Variants in FRMD6 observed in about 807,000 individuals in gnomAD.
FRMD6 encodes FERM domain containing 6.
FRMD6 carries 37 observed loss-of-function variants against 73.2 expected under a neutral mutation model. That is an observed-to-expected ratio of 0.51 (90% CI 0.39 to 0.66). The LOEUF (loss-of-function observed/expected upper bound fraction) is 0.66. Among genes scored for constraint, FRMD6 ranks in the 30% least tolerant of loss-of-function variants. The probability of loss-of-function intolerance (pLI) is 0.00; values close to 1 mark genes in which losing one functional copy is unlikely to be tolerated. For synonymous variants in FRMD6, 273 were observed against 282.2 expected (o/e 0.97, Z 0.33); for missense variants, 714 against 780.5 (o/e 0.91, Z 1.02).
At chr14:51,544,497 T>C (rs1247937217) in intron 1 of FRMD6, among the ~76,000 whole-genome samples, 1 of 152,094 alleles carries the variant, frequency 6.6e-6, no homozygotes, top group Non-Finnish European at 1.5e-5. Flanking sequence ...TACTCATAGT[T>C]TGAAAACAAT....
chr14:51,710,045 G>A (rs76178684), intron 7 of FRMD6, among the ~76,000 whole-genome samples: 4,187 of 152,214 alleles, frequency 0.028, 195 homozygotes, highest in African/African-American at 0.095. Context: ...TGCTGGGGAA[G>A]CTTGCTATTT....
intron 10 of FRMD6, among the ~76,000 whole-genome samples, chr14:51,719,382 C>T (rs1897409844): frequency 6.6e-6 from 1 of 152,226 alleles, no homozygotes; most frequent in Non-Finnish European, 1.5e-5. Flanking sequence ...GATAAAGCCT[C>T]ACTAATTCAG....
chr14:51,524,816 T>C (rs1048474501), intron 1 of FRMD6, among the ~76,000 whole-genome samples: 1 of 152,154 alleles, frequency 6.6e-6, no homozygotes, highest in Non-Finnish European at 1.5e-5. Flanking sequence ...AACTCAGTGA[T>C]TGATGCAAGA....
At chr14:51,452,016 C>A in the FRMD6 span, among the ~76,000 whole-genome samples, 1 of 152,124 alleles carries the variant, frequency 6.6e-6, no homozygotes, top group Non-Finnish European at 1.5e-5. Context: ...ATGCTTTAAG[C>A]AGGGCAGAGA....
chr14:51,711,598 T>C lies in FRMD6; in HGVS notation c.780+2T>C. ...ATGAGGGGAATACAGATTTTTCAGG[T>C]TGGTAAATGAGAATTGTGTCAAATG... On this transcript the variant is annotated splice_donor_variant, in intron 8 of 13. Transcript: ENST00000344768. LOFTEE classifies it high-confidence loss of function. 1.3e-6 allele frequency: 2 copies of C among 1,599,424 alleles called. No individual in the cohort carries two copies. Among genetic ancestry groups the C allele is most frequent in the Non-Finnish European group, 1.7e-6 (2 of 1,167,486 alleles).
the FRMD6 span, among the ~76,000 whole-genome samples, chr14:51,448,187 T>G: frequency 6.6e-6 from 1 of 152,260 alleles, no homozygotes; most frequent in Non-Finnish European, 1.5e-5. Flanking sequence ...TCTTTGAATA[T>G]TATTTCTTGA....
At chr14:51,433,359 T>TA in the FRMD6 span, among the ~76,000 whole-genome samples, 70 of 152,058 alleles carry the variant, frequency 4.6e-4, no homozygotes, top group East Asian at 7.9e-3. Flanking sequence ...TATATATCTG[T>TA]AAAAAAAATG....
intron 2 of FRMD6, among the ~76,000 whole-genome samples, chr14:51,695,360 G>A (rs758080473): frequency 3.9e-5 from 6 of 152,146 alleles, no homozygotes; most frequent in Non-Finnish European, 7.3e-5. Context: ...AAATCCAGAG[G>A]CCTTTTAAAG....
intron 2 of FRMD6, among the ~76,000 whole-genome samples, chr14:51,601,562 C>T (rs908129442): frequency 3.3e-5 from 5 of 152,138 alleles, no homozygotes; most frequent in African/African-American, 1.2e-4. Context: ...TGGAGCTTTA[C>T]AAATCTCTAG....
At chr14:51,649,902 G>C (rs1362055145), upstream of FRMD6, 1 of 152,154 alleles carries the variant, frequency 6.6e-6, no homozygotes, top group Non-Finnish European at 1.5e-5. Context: ...GGGGCTACAG[G>C]CATGGGCCAC....
At chr14:51,486,946 T>TG (rs1009825055), upstream of FRMD6, among the ~76,000 whole-genome samples, 7 of 152,210 alleles carry the variant, frequency 4.6e-5, no homozygotes, top group South Asian at 2.1e-4. Flanking sequence ...GTTTTTTTTT[T>TG]TTTGTTTTTG....
the FRMD6 span, among the ~76,000 whole-genome samples, chr14:51,428,373 G>A: frequency 2.6e-5 from 4 of 152,106 alleles, no homozygotes; most frequent in South Asian, 2.1e-4. Context: ...TGTGATTCCC[G>A]TTGTGCCCCT....
At chr14:51,551,678 A>G (rs917758724) in intron 1 of FRMD6, among the ~76,000 whole-genome samples, 2 of 152,156 alleles carry the variant, frequency 1.3e-5, no homozygotes, top group African/African-American at 2.4e-5. Context: ...TCAAGGCTGC[A>G]GTGAGCAGAG....
At chr14:51,504,204 G>A (rs1457499035) in intron 1 of FRMD6, among the ~76,000 whole-genome samples, 2 of 152,154 alleles carry the variant, frequency 1.3e-5, no homozygotes, top group Non-Finnish European at 1.5e-5. Context: ...GGTTTGCTGG[G>A]GTCAGCTCCA....
intron 1 of FRMD6, among the ~76,000 whole-genome samples, chr14:51,521,118 A>T (rs534203888): frequency 6.6e-6 from 1 of 152,322 alleles, no homozygotes; most frequent in South Asian, 2.1e-4. Context: ...TTATGGTATT[A>T]TATAGTGATT....
chr14:51,477,354 G>C, the FRMD6 span, among the ~76,000 whole-genome samples: 2 of 152,080 alleles, frequency 1.3e-5, no homozygotes, highest in Non-Finnish European at 2.9e-5. Context: ...ACGTGCAAAG[G>C]CTGTAGGAAT....
intron 2 of FRMD6, among the ~76,000 whole-genome samples, chr14:51,581,935 C>A (rs1888747185): frequency 6.6e-6 from 1 of 152,072 alleles, no homozygotes; most frequent in Non-Finnish European, 1.5e-5. Context: ...AGGTGAAAGA[C>A]TTTGAAAAAA....
chr14:51,412,065 C>T, the FRMD6 span, among the ~76,000 whole-genome samples: 1 of 148,102 alleles, frequency 6.8e-6, no homozygotes, highest in Admixed American at 6.7e-5. Context: ...ATCTTATTTC[C>T]TTTGCTTCCA....
intron 2 of FRMD6, among the ~76,000 whole-genome samples, chr14:51,599,519 G>C (rs1319905848): frequency 6.6e-6 from 1 of 152,118 alleles, no homozygotes; most frequent in Non-Finnish European, 1.5e-5. Flanking sequence ...AAGAACTTCT[G>C]CACAACAAAA....
Sources: allele counts gnomAD v4.1 joint callset (sites outside exome capture counted in the v4.1 genomes callset), GRCh38; gene constraint gnomAD v4.1.1; transcripts MANE v1.5; gene names NCBI Gene and HGNC (gene_info 2026-07-23, HGNC 2026-07-21).